EML4: variants seen among roughly 807,000 people sequenced by gnomAD.
EML4 encodes echinoderm microtubule-associated protein-like 4.
In EML4, 72 loss-of-function variants were observed where a neutral mutation model predicts 129.0. The observed-to-expected ratio is 0.56, with a 90% CI of 0.46 to 0.68. The LOEUF (loss-of-function observed/expected upper bound fraction) is 0.68. Ranked by LOEUF, EML4 falls within the 30% of genes least tolerant of loss-of-function variation. The pLI is 0.00. For synonymous variants in EML4, 532 were observed against 405.0 expected, an observed-to-expected ratio of 1.31 and a Z score of -3.77; for missense variants, 1,363 against 1,190.6, an observed-to-expected ratio of 1.14 and a Z score of -2.13.
chr2:42,328,849 G>T, intron 21 of EML4, 37 bp from the exon 22 acceptor site: 1 of 1,546,028 alleles, frequency 6.5e-7, no homozygotes, highest in South Asian at 1.2e-5. Context: ...TATTTCTTCA[G>T]CTAATTTTTC....
chr2:42,326,165 A>G lies in EML4; in HGVS notation c.2254A>G (p.Asn752Asp), dbSNP rs1669801520. 5 of 1,613,584 alleles carry G rather than the reference A, an allele frequency of 3.1e-6. No homozygotes were observed. Among genetic ancestry groups the G allele is most frequent in the East Asian group, 2.2e-5 (1 of 44,836 alleles). The part of the protein sequence containing the change: ...DYEILYWDIP[N>D]GCKLIRNRSD... Reference sequence around the variant, plus strand: ...TTCTAAATTTAAAGGGGACATTCCAAATGGCTGCAAACTAATCAGGAATCG... The same window carrying G: ...TTCTAAATTTAAAGGGGACATTCCAGATGGCTGCAAACTAATCAGGAATCG... The change falls in exon 21 of 23, where the codon AAT becomes GAT. Residue 752 changes from asparagine to aspartate, a missense_variant. Physicochemically the swap from Asn to Asp is conservative, Grantham distance 23 (BLOSUM62 1). Transcript: ENST00000318522.
chr2:42,259,319 C>G (rs988268061), intron 3 of EML4, among the ~76,000 whole-genome samples: 1 of 151,920 alleles, frequency 6.6e-6, no homozygotes, highest in African/African-American at 2.4e-5. Flanking sequence ...CTTTTCATCA[C>G]TGGAATTCAA....
At chr2:42,216,304 G>A (rs189183971) in intron 1 of EML4, among the ~76,000 whole-genome samples, 2,335 of 139,124 alleles carry the variant, frequency 0.017, 74 homozygotes, top group African/African-American at 0.06. Context: ...GTGCAGTGGC[G>A]CGATCTTGGC....
intron 17 of EML4, among the ~76,000 whole-genome samples, chr2:42,307,650 T>C (rs1668686908): frequency 6.6e-6 from 1 of 152,216 alleles, no homozygotes; most frequent in South Asian, 2.1e-4. Context: ...ATTTTTATTT[T>C]ATTTTATTTT....
chr2:42,312,710 T>C (rs1377099885), intron 17 of EML4, among the ~76,000 whole-genome samples: 1 of 151,682 alleles, frequency 6.6e-6, no homozygotes, highest in Non-Finnish European at 1.5e-5. Flanking sequence ...CGTGCCACCA[T>C]GCCTGGCTAA....
At chr2:42,211,906 G>A (rs1433275552) in intron 1 of EML4, among the ~76,000 whole-genome samples, 2 of 151,820 alleles carry the variant, frequency 1.3e-5, no homozygotes, top group African/African-American at 4.8e-5. Context: ...GTGCAGTGGC[G>A]CAATTTTGGC....
intron 6 of EML4, among the ~76,000 whole-genome samples, chr2:42,267,509 G>A (rs1485648646): frequency 1.1e-4 from 16 of 152,136 alleles, no homozygotes; most frequent in Non-Finnish European, 2.4e-4. Flanking sequence ...GCTTTGATTT[G>A]AGAAGAAGCC....
intron 1 of EML4, among the ~76,000 whole-genome samples, chr2:42,186,003 ACT>A (rs1300179062): frequency 6.6e-6 from 1 of 152,124 alleles, no homozygotes; most frequent in Non-Finnish European, 1.5e-5. Context: ...GTTCATAGTA[ACT>A]CTGAAAGGTC....
chr2:42,191,830 C>T (rs576192722), intron 1 of EML4, among the ~76,000 whole-genome samples: 80 of 151,992 alleles, frequency 5.3e-4, no homozygotes, highest in African/African-American at 1.8e-3. Flanking sequence ...GAGGCTGAGG[C>T]GGGCGGATCA....
Position 42,261,173 on chromosome 2 carries a change from G to A in EML4, c.391G>A (p.Glu131Lys). The change falls in exon 4 of 23, where the codon GAA becomes AAA. Residue 131 changes from glutamate to lysine, a missense_variant. Physicochemically the swap from Glu to Lys is moderately conservative, Grantham distance 56. Coordinates refer to ENST00000318522, the MANE Select transcript of EML4 (RefSeq NM_019063.5). ...ACAAGGACAGAGAGAAAAAAAAGAG[G>A]AATCTCATTCTAATGATCAAAGTCC... The part of the protein sequence containing the change: ...KPQGQREKKE[E>K]SHSNDQSPQI... 6.2e-7 allele frequency: 1 copy of A among 1,613,518 alleles called. No homozygotes were observed. Among genetic ancestry groups the A allele is most frequent in the South Asian group, 1.1e-5 (1 of 91,060 alleles).
At chr2:42,238,876 T>C (rs1674849086) in intron 1 of EML4, among the ~76,000 whole-genome samples, 1 of 152,180 alleles carries the variant, frequency 6.6e-6, no homozygotes, top group South Asian at 2.1e-4. Flanking sequence ...CGTGACCTCT[T>C]AGGCTCAAGT....
intron 17 of EML4, among the ~76,000 whole-genome samples, chr2:42,309,785 C>T (rs957895006): frequency 2.0e-5 from 3 of 152,232 alleles, no homozygotes; most frequent in African/African-American, 7.2e-5. Context: ...GGATACAGTT[C>T]CTTACAGATC....
intron 1 of EML4, among the ~76,000 whole-genome samples, chr2:42,208,419 C>A (rs1672687341): frequency 6.7e-6 from 1 of 150,284 alleles, no homozygotes; most frequent in Non-Finnish European, 1.5e-5. Context: ...GAAACCTACT[C>A]CTTTAATTTT....
chr2:42,231,787 A>C (rs1002457534), intron 1 of EML4, among the ~76,000 whole-genome samples: 2 of 152,044 alleles, frequency 1.3e-5, no homozygotes, highest in Non-Finnish European at 2.9e-5. Context: ...GTCTCTACTA[A>C]ATATACAGAA....
chr2:42,236,506 A>T (rs944338318), intron 1 of EML4, among the ~76,000 whole-genome samples: 2 of 152,208 alleles, frequency 1.3e-5, no homozygotes, highest in Admixed American at 1.3e-4. Flanking sequence ...TTTTATTGGA[A>T]CATAGCCACA....
At chr2:42,224,747 G>A (rs921331732) in intron 1 of EML4, among the ~76,000 whole-genome samples, 3 of 152,062 alleles carry the variant, frequency 2.0e-5, no homozygotes, top group Non-Finnish European at 4.4e-5. Flanking sequence ...ATGGTGTGAA[G>A]TGGCATCTCA....
At chr2:42,272,077 CAAAAAAA>C (rs35948547) in intron 6 of EML4, among the ~76,000 whole-genome samples, 21 of 101,160 alleles carry the variant, frequency 2.1e-4, no homozygotes, top group African/African-American at 7.1e-4. Context: ...CACTCCATCT[CAAAAAAA>C]AAAAAAAAAA....
chr2:42,206,404 T>C (rs1194564191), intron 1 of EML4, among the ~76,000 whole-genome samples: 2 of 151,976 alleles, frequency 1.3e-5, no homozygotes, highest in East Asian at 3.9e-4. Context: ...GGGGGAGAAA[T>C]GGGATTTCAC....
intron 6 of EML4, among the ~76,000 whole-genome samples, chr2:42,280,044 C>G (rs1666920086): frequency 6.6e-6 from 1 of 151,976 alleles, no homozygotes; most frequent in African/African-American, 2.4e-5. Flanking sequence ...ATATTTTCTC[C>G]CGTTCTGTAG....
Sources: allele counts gnomAD v4.1 joint callset (sites outside exome capture counted in the v4.1 genomes callset), GRCh38; gene constraint gnomAD v4.1.1; transcripts MANE v1.5; gene names NCBI Gene and HGNC (gene_info 2026-07-23, HGNC 2026-07-21).